Variants in DNAH11 observed in about 807,000 individuals in gnomAD.
DNAH11 encodes axonemal beta dynein heavy chain 11.
A neutral mutation model predicts 526.0 loss-of-function variants in DNAH11; 442 were observed. That is an observed-to-expected ratio of 0.84 (90% CI 0.78 to 0.91). DNAH11 has a LOEUF of 0.91. Among genes scored for constraint, DNAH11 ranks in the 40% least tolerant of loss-of-function variants. The probability of loss-of-function intolerance (pLI) is 0.00; values close to 1 mark genes in which losing one functional copy is unlikely to be tolerated. For synonymous variants in DNAH11, 2,461 were observed against 1,935.9 expected (o/e 1.27, Z -7.12); for missense variants, 6,989 against 5,448.7 (o/e 1.28, Z -8.90).
In DNAH11 at chr7:21,774,013, G is replaced by A. The variant is rs1378771869; in HGVS notation, c.9336+14G>A. The A allele has an allele frequency of 3.3e-6, 5 of 1,526,972 alleles. No individual in the cohort carries two copies. The highest frequency in any genetic ancestry group is 4.4e-6 in the Non-Finnish European group (5 of 1,137,842). 94.6% of individuals were successfully genotyped at this position (1,526,972 alleles called of 1,614,324 possible). On this transcript the variant is annotated intron_variant, in intron 56 of 81. Transcript: ENST00000409508. ...ACAGCCTCTCAGGTATGACCAGGAT[G>A]TGTTATTACTGAGTAATATTTATGC...
At chr7:21,896,541 T>C (rs1317384014) in intron 79 of DNAH11, among the ~76,000 whole-genome samples, 1 of 152,248 alleles carries the variant, frequency 6.6e-6, no homozygotes, top group Non-Finnish European at 1.5e-5. Flanking sequence ...TACTGAGGTA[T>C]GGATTTTTAA....
rs548379068 is a variant in DNAH11, at chr7:21,702,821, G to A, written c.6273+19G>A. ...AGATCAGGTACTGCAATGCTAATAT[G>A]ATTTTGTTGAGTGAGTAGCTGGCCT... On this transcript the variant is annotated intron_variant, in intron 37 of 81. Transcript: ENST00000409508. The A allele has an allele frequency of 6.2e-7, 1 of 1,603,498 alleles. No homozygotes were observed. Among genetic ancestry groups the A allele is most frequent in the Admixed American group, 1.7e-5 (1 of 59,352 alleles).
intron 36 of DNAH11, 110 bp downstream of exon 36, chr7:21,698,323 T>A: frequency 6.8e-7 from 1 of 1,460,226 alleles, no homozygotes; most frequent in Non-Finnish European, 9.2e-7. Flanking sequence ...ATTAAAATTT[T>A]TTTGTACTTA....
At chr7:21,810,791 C>T (rs1789483155) in intron 63 of DNAH11, among the ~76,000 whole-genome samples, 1 of 151,902 alleles carries the variant, frequency 6.6e-6, no homozygotes, top group South Asian at 2.1e-4. Context: ...CAGTGACTAG[C>T]AGAAGAGTTA....
At chr7:21,670,093 G>A (rs1476156143) in intron 30 of DNAH11, among the ~76,000 whole-genome samples, 3 of 151,844 alleles carry the variant, frequency 2.0e-5, no homozygotes, top group Non-Finnish European at 2.9e-5. Context: ...ATTAAATTGC[G>A]ACTGGGGCAG....
intron 2 of DNAH11, among the ~76,000 whole-genome samples, chr7:21,545,579 A>G (rs958721695): frequency 6.6e-6 from 1 of 152,222 alleles, no homozygotes; most frequent in Non-Finnish European, 1.5e-5. Flanking sequence ...TTAGAAACTA[A>G]CAGTTAAAGA....
intron 48 of DNAH11, among the ~76,000 whole-genome samples, chr7:21,741,312 C>T (rs9639396): frequency 0.54 from 82,376 of 152,080 alleles, 24,491 homozygotes; most frequent in Non-Finnish European, 0.68. Flanking sequence ...ATAGTGGTCA[C>T]TGTATGAATG....
chr7:21,707,201 G>A (rs1784302064), intron 39 of DNAH11, among the ~76,000 whole-genome samples: 1 of 152,174 alleles, frequency 6.6e-6, no homozygotes, highest in African/African-American at 2.4e-5. Flanking sequence ...AGCATCATTG[G>A]CATTAGCTGG....
chr7:21,634,712 C>G (rs185223153), intron 25 of DNAH11, among the ~76,000 whole-genome samples: 2 of 152,206 alleles, frequency 1.3e-5, no homozygotes, highest in East Asian at 3.9e-4. Flanking sequence ...CTGTCAGGTA[C>G]TATGCCCATT....
intron 62 of DNAH11, among the ~76,000 whole-genome samples, chr7:21,803,960 C>T (rs973783470): frequency 3.9e-5 from 6 of 152,288 alleles, no homozygotes; most frequent in Middle Eastern, 3.4e-3. Context: ...AGCAAGCCAC[C>T]GTTCATCTCA....
At chr7:21,575,291 A>C (rs1784046838) in intron 8 of DNAH11, among the ~76,000 whole-genome samples, 1 of 152,180 alleles carries the variant, frequency 6.6e-6, no homozygotes, top group Non-Finnish European at 1.5e-5. Flanking sequence ...CTATGGCCTG[A>C]GATGGAGTGA....
chr7:21,802,490 A>G (rs7799879), intron 62 of DNAH11, among the ~76,000 whole-genome samples: 2,142 of 152,292 alleles, frequency 0.014, 40 homozygotes, highest in African/African-American at 0.049. Context: ...AGAAAAGAAA[A>G]TAAATGTCCA....
rs370245762 is a variant in DNAH11 at position 21,880,662 on chromosome 7, T to G, written c.12196-40T>G. Reference sequence around the variant, plus strand: ...CGCAGACCCTTGCTCTTGGAAACCATACAGATGGATAATCAAGCATTTCTT... The same window carrying G: ...CGCAGACCCTTGCTCTTGGAAACCAGACAGATGGATAATCAAGCATTTCTT... On this transcript the variant is annotated intron_variant, in intron 74 of 81. Transcript: ENST00000409508. The G allele has an allele frequency of 1.9e-6, 3 of 1,609,084 alleles. No homozygotes were observed. In the African/African-American group the frequency reaches 4.0e-5, roughly 22 times the overall value.
intron 57 of DNAH11, among the ~76,000 whole-genome samples, chr7:21,781,109 C>T (rs1010568392): frequency 2.6e-5 from 4 of 152,276 alleles, no homozygotes; most frequent in Admixed American, 2.6e-4. Flanking sequence ...ATATGTTCAG[C>T]AATGTGCTAG....
chr7:21,635,010 T>C (rs1304899534), intron 25 of DNAH11, among the ~76,000 whole-genome samples: 1 of 152,004 alleles, frequency 6.6e-6, no homozygotes, highest in Non-Finnish European at 1.5e-5. Context: ...CTTTTCAAAA[T>C]AAAACTGCAA....
intron 8 of DNAH11, among the ~76,000 whole-genome samples, chr7:21,572,453 A>C (rs1459615806): frequency 6.6e-6 from 1 of 152,166 alleles, no homozygotes; most frequent in Admixed American, 6.5e-5. Context: ...CAACCACAGG[A>C]AAGGGGGAAC....
chr7:21,838,969 G>T (rs1669440221), intron 65 of DNAH11, among the ~76,000 whole-genome samples: 1 of 151,990 alleles, frequency 6.6e-6, no homozygotes, highest in South Asian at 2.1e-4. Context: ...GTGTATGAGG[G>T]CTCCAGTTTC....
intron 20 of DNAH11, among the ~76,000 whole-genome samples, chr7:21,608,055 T>A (rs73682652): frequency 0.039 from 5,948 of 151,574 alleles, 377 homozygotes; most frequent in African/African-American, 0.14. Context: ...TTTTTTTTTT[T>A]AATCAGAAAT....
At chr7:21,844,484 A>G (rs1782339397) in intron 66 of DNAH11, among the ~76,000 whole-genome samples, 1 of 152,158 alleles carries the variant, frequency 6.6e-6, no homozygotes, top group African/African-American at 2.4e-5. Context: ...ATTGTCTATG[A>G]CTGCTTTTGC....
Sources: allele counts gnomAD v4.1 joint callset (sites outside exome capture counted in the v4.1 genomes callset), GRCh38; gene constraint gnomAD v4.1.1; transcripts MANE v1.5; gene names NCBI Gene and HGNC (gene_info 2026-07-23, HGNC 2026-07-21).